The following KCNB2 variants were observed in gnomAD, a reference collection of about 807,000 sequenced individuals.
KCNB2 encodes potassium voltage-gated channel subfamily B member 2, also known as delayed rectifier potassium channel protein.
Under a neutral mutation model 61.5 loss-of-function variants are expected in KCNB2, and 15 were observed. The ratio of observed to expected loss-of-function variants is 0.24; its 90% CI spans 0.16 to 0.38. The LOEUF (loss-of-function observed/expected upper bound fraction) is 0.38, where lower values mean the gene tolerates loss of function less well. Among genes scored for constraint, KCNB2 ranks in the 10% least tolerant of loss-of-function variants. The pLI is 1.00. For missense variants in KCNB2, 828 were observed against 1,125.2 expected (o/e 0.74, Z 3.78); for synonymous variants, 457 against 446.0 (o/e 1.02, Z -0.31).
intron 2 of KCNB2, among the ~76,000 whole-genome samples, chr8:72,928,107 T>C (rs1806691260): frequency 6.6e-6 from 1 of 152,146 alleles, no homozygotes; most frequent in South Asian, 2.1e-4. Flanking sequence ...ATCTGTTTTT[T>C]CTCCCTCAAG....
intron 2 of KCNB2, among the ~76,000 whole-genome samples, chr8:72,804,728 A>T (rs1809189533): frequency 6.6e-6 from 1 of 152,212 alleles, no homozygotes; most frequent in African/African-American, 2.4e-5. Flanking sequence ...TCATTACCTC[A>T]TTGAGCAAAC....
chr8:72,692,270 T>G (rs1806952286), intron 2 of KCNB2, among the ~76,000 whole-genome samples: 1 of 151,224 alleles, frequency 6.6e-6, no homozygotes, highest in Admixed American at 6.6e-5. Context: ...TGGAAGCTTA[T>G]ATTTTGTACA....
intron 2 of KCNB2, among the ~76,000 whole-genome samples, chr8:72,657,299 A>C (rs1444219411): frequency 6.6e-6 from 1 of 152,188 alleles, no homozygotes; most frequent in Non-Finnish European, 1.5e-5. Flanking sequence ...AAAGATCTGA[A>C]GCAAATTCTT....
intron 2 of KCNB2, among the ~76,000 whole-genome samples, chr8:72,655,866 G>T (rs1367016874): frequency 6.6e-6 from 1 of 152,136 alleles, no homozygotes; most frequent in Non-Finnish European, 1.5e-5. Flanking sequence ...ACATGTGGTT[G>T]CTGGGCAGTC....
At chr8:72,577,788 A>G (rs1806821665) in intron 2 of KCNB2, among the ~76,000 whole-genome samples, 1 of 152,172 alleles carries the variant, frequency 6.6e-6, no homozygotes, top group South Asian at 2.1e-4. Context: ...GCTTGGTTGC[A>G]GCATCCGTCA....
intron 2 of KCNB2, among the ~76,000 whole-genome samples, chr8:72,920,898 A>G (rs1585976537): frequency 6.6e-6 from 1 of 152,156 alleles, no homozygotes; most frequent in African/African-American, 2.4e-5. Context: ...GAGCTAAGAA[A>G]GGACCAATAG....
chr8:72,676,532 C>T (rs2439333), intron 2 of KCNB2, among the ~76,000 whole-genome samples: 38,678 of 149,746 alleles, frequency 0.26, 8,638 homozygotes, highest in African/African-American at 0.61. Flanking sequence ...AACTTTTTCA[C>T]ATACTAGATC....
At chr8:72,648,091 C>G (rs754728658) in intron 2 of KCNB2, among the ~76,000 whole-genome samples, 1 of 152,094 alleles carries the variant, frequency 6.6e-6, no homozygotes, top group Admixed American at 6.5e-5. Flanking sequence ...TGGATCATCC[C>G]AGGATGCAGC....
intron 2 of KCNB2, among the ~76,000 whole-genome samples, chr8:72,663,018 C>A (rs1023634883): frequency 1.3e-5 from 2 of 152,124 alleles, no homozygotes; most frequent in East Asian, 3.9e-4. Context: ...TCCTCCCTAC[C>A]ATGGAGGCTG....
intron 1 of KCNB2, among the ~76,000 whole-genome samples, chr8:72,548,855 G>A (rs1312196383): frequency 6.6e-6 from 1 of 152,130 alleles, no homozygotes; most frequent in Non-Finnish European, 1.5e-5. Flanking sequence ...GTCTTAAGTG[G>A]TTATGTTGGG....
chr8:72,831,240 T>C (rs1809689005), intron 2 of KCNB2, among the ~76,000 whole-genome samples: 1 of 152,234 alleles, frequency 6.6e-6, no homozygotes, highest in Non-Finnish European at 1.5e-5. Flanking sequence ...TACATTCATT[T>C]ACCTCATTTA....
chr8:72,666,084 G>A lies in KCNB2; in HGVS notation c.579+97771G>A, dbSNP rs557004404. Among the ~76,000 whole-genome samples, 37 of 152,246 alleles carry A rather than the reference G, an allele frequency of 2.4e-4. 1 individual carries two copies. The South Asian group carries it at 5.8e-3, about 24-fold the overall frequency. On this transcript the variant is annotated intron_variant, in intron 2 of 2. Transcript: ENST00000523207. Reference sequence around the variant, plus strand: ...TGTCTATTTTTTTTTAAGTAAAATCGGAAAGATGTGTTCCTTTTCAAGACT... The same window carrying A: ...TGTCTATTTTTTTTTAAGTAAAATCAGAAAGATGTGTTCCTTTTCAAGACT...
At chr8:72,597,001 C>CTTTTTTTTTTTTTTTTTTTTTTTTTTT (rs869160203) in intron 2 of KCNB2, among the ~76,000 whole-genome samples, 2 of 64,660 alleles carry the variant, frequency 3.1e-5, no homozygotes, top group Non-Finnish European at 5.2e-5. Flanking sequence ...TGCTTGCTTG[C>CTTTTTTTTTTTTTTTTTTTTTTTTTTT]TTTTTTTTTT....
At chr8:72,641,842 G>A (rs564751218) in intron 2 of KCNB2, among the ~76,000 whole-genome samples, 32 of 152,262 alleles carry the variant, frequency 2.1e-4, no homozygotes, top group African/African-American at 7.7e-4. Flanking sequence ...ATATGTAAGT[G>A]CCTAGGATAA....
At chr8:72,755,441 T>G (rs1808273077) in intron 2 of KCNB2, among the ~76,000 whole-genome samples, 1 of 152,204 alleles carries the variant, frequency 6.6e-6, no homozygotes, top group Admixed American at 6.5e-5. Context: ...GTAGGGGGAC[T>G]CTACAATATA....
intron 2 of KCNB2, among the ~76,000 whole-genome samples, chr8:72,912,489 CATATATATATATAT>C (rs5892374): frequency 7.3e-6 from 1 of 137,332 alleles, no homozygotes; most frequent in Non-Finnish European, 1.6e-5. Flanking sequence ...AGCTTTTATT[CATATATATATATAT>C]ATATATATAT....
At chr8:72,882,607 A>C (rs1805735392) in intron 2 of KCNB2, among the ~76,000 whole-genome samples, 1 of 151,162 alleles carries the variant, frequency 6.6e-6, no homozygotes, top group Admixed American at 6.6e-5. Context: ...CAACTGGGCC[A>C]GTAGTGAGAC....
At chr8:72,648,691 G>A (rs1295871051) in intron 2 of KCNB2, among the ~76,000 whole-genome samples, 1 of 151,826 alleles carries the variant, frequency 6.6e-6, no homozygotes, top group Non-Finnish European at 1.5e-5. Flanking sequence ...TCACAAGCTG[G>A]AATTTCCCCC....
At chr8:72,554,179 T>C (rs1806386481) in intron 1 of KCNB2, among the ~76,000 whole-genome samples, 1 of 152,148 alleles carries the variant, frequency 6.6e-6, no homozygotes, top group South Asian at 2.1e-4. Context: ...CAAAAGTTCC[T>C]GTAATATTCT....
Sources: gnomAD v4.1 joint callset for allele counts (sites outside exome capture counted in the v4.1 genomes callset) on GRCh38, gnomAD v4.1.1 for gene constraint, MANE v1.5 for transcripts, NCBI Gene and HGNC (gene_info 2026-07-23, HGNC 2026-07-21) for gene names.